The following UTP20 variants were observed in gnomAD, a reference collection of about 807,000 sequenced individuals.
UTP20 encodes the protein UTP20 small subunit processome component, also known as small subunit processome component 20 homolog.
UTP20 carries 164 observed loss-of-function variants against 329.5 expected under a neutral mutation model. The observed-to-expected ratio is 0.50, with a 90% CI of 0.44 to 0.57. The LOEUF is 0.57. Among genes scored for constraint, UTP20 ranks in the 20% least tolerant of loss-of-function variants. UTP20 has a pLI of 0.00. For synonymous variants in UTP20, 1,151 were observed against 1,159.3 expected, an observed-to-expected ratio of 0.99 and a Z score of 0.14; for missense variants, 3,055 against 3,284.2, an observed-to-expected ratio of 0.93 and a Z score of 1.71.
chr12:101,282,266 G>A (rs1327639609), intron 2 of UTP20, among the ~76,000 whole-genome samples: 1 of 151,002 alleles, frequency 6.6e-6, no homozygotes, highest in Non-Finnish European at 1.5e-5. Flanking sequence ...ACATTCTTTA[G>A]GGGTGTCAAA....
Position 101,327,048 on chromosome 12 carries a change from G to A in UTP20, c.3042-33G>A, listed in dbSNP as rs769934422. On this transcript the variant is annotated intron_variant, in intron 25 of 61. Coordinates refer to ENST00000261637, the MANE Select transcript of UTP20 (RefSeq NM_014503.3). ...AAACAACTCATATTTTAGAATTAAT[G>A]TGCAAACAAATAATGTGCTTTTGCC... 5 of 1,562,680 alleles carry A rather than the reference G, an allele frequency of 3.2e-6. No individual in the cohort carries two copies. In the African/African-American group the frequency reaches 4.1e-5, roughly 13 times the overall value.
Position 101,286,405 on chromosome 12 carries a change from G to A in UTP20, c.411G>A (p.Leu137=). ...TTTTTTTGACTATCACCTCGATCCT[G>A]GAGACTCAGGACACAGAGTTGTTAG... The part of the protein sequence containing the change: ...PEFFLTITSI[L]ETQDTELLEW... Residue 137 remains leucine, a synonymous_variant, in exon 5 of 62, where the codon CTG becomes CTA. Transcript: ENST00000261637. The A allele has an allele frequency of 6.2e-7, 1 of 1,613,670 alleles. No individual in the cohort carries two copies. Among genetic ancestry groups the A allele is most frequent in the Non-Finnish European group, 8.5e-7 (1 of 1,179,868 alleles).
intron 12 of UTP20, among the ~76,000 whole-genome samples, chr12:101,298,110 G>A (rs1232163959): frequency 6.6e-6 from 1 of 152,156 alleles, no homozygotes. Context: ...GATAATAAAT[G>A]TGAAAAGACT....
chr12:101,324,152 T>TA (rs1868473929), intron 25 of UTP20, among the ~76,000 whole-genome samples: 1 of 108,434 alleles, frequency 9.2e-6, no homozygotes, highest in Admixed American at 9.5e-5. Context: ...AATAAAAAAA[T>TA]AAATAAATAA....
intron 12 of UTP20, among the ~76,000 whole-genome samples, chr12:101,296,898 T>A (rs1367530776): frequency 6.6e-6 from 1 of 152,212 alleles, no homozygotes; most frequent in Non-Finnish European, 1.5e-5. Context: ...CATGAGAAGA[T>A]TTATTGTATC....
At chr12:101,365,096 GT>G (rs1426146280) in intron 45 of UTP20, among the ~76,000 whole-genome samples, 1 of 151,678 alleles carries the variant, frequency 6.6e-6, no homozygotes, top group Non-Finnish European at 1.5e-5. Context: ...GTGTGTGTGT[GT>G]GTGTGTGTGT....
chr12:101,317,944 G>C (rs545158086), intron 22 of UTP20, among the ~76,000 whole-genome samples: 5 of 152,304 alleles, frequency 3.3e-5, no homozygotes, highest in African/African-American at 1.2e-4. Context: ...TTTGGGACCT[G>C]GAGTGTTTGG....
At chr12:101,286,892 G>A (rs1321694227) in intron 5 of UTP20, among the ~76,000 whole-genome samples, 1 of 152,104 alleles carries the variant, frequency 6.6e-6, no homozygotes, top group Non-Finnish European at 1.5e-5. Flanking sequence ...CCTGGTATAA[G>A]GGAGGTTTAA....
intron 39 of UTP20, 131 bp from the exon 40 acceptor site, chr12:101,352,916 A>G (rs1391301933): frequency 9.4e-6 from 4 of 425,886 alleles, no homozygotes; most frequent in Non-Finnish European, 1.6e-5. Context: ...GGTTATGCTA[A>G]TACTTGTTAA....
intron 6 of UTP20, 165 bp from the exon 7 acceptor site, chr12:101,289,972 A>T (rs949552255): frequency 4.3e-6 from 2 of 462,548 alleles, no homozygotes; most frequent in Admixed American, 4.3e-5. Context: ...TCCAAGTGAG[A>T]ACACACTATT....
rs1869199734 is a variant in UTP20 at position 101,343,071 on chromosome 12, A to G, written c.4427A>G (p.His1476Arg). The G allele has an allele frequency of 6.2e-7, 1 of 1,608,124 alleles. No homozygotes were observed. The highest frequency in any genetic ancestry group is 8.5e-7 in the Non-Finnish European group (1 of 1,176,948). The change falls in exon 35 of 62, where the codon CAT becomes CGT. Residue 1476 changes from histidine (H) to arginine (R), a missense_variant. His to Arg is a conservative substitution (Grantham distance 29). This residue lies in a region of UTP20 where 2,445 missense variants were observed against 2,575.5 expected (regional missense o/e 0.95). Transcript: ENST00000261637. ...VDVNYLIPVM[H>R]NCFYNLELGD... ...GTTAACTACCTAATTCCAGTTATGC[A>G]TAATTGTTTCTATAATCTAGAGGTA...
intron 38 of UTP20, among the ~76,000 whole-genome samples, chr12:101,348,858 G>T (rs1390746926): frequency 6.7e-6 from 1 of 149,886 alleles, no homozygotes; most frequent in Non-Finnish European, 1.5e-5. Context: ...TTACAGGCAT[G>T]AGCCACTGTG....
At chr12:101,311,593 C>T in intron 19 of UTP20, 126 bp from the exon 20 acceptor site, 5 of 801,162 alleles carry the variant, frequency 6.2e-6, no homozygotes, top group Non-Finnish European at 9.6e-6. Context: ...GTGTTTACGA[C>T]TCCACATTGA....
At chr12:101,344,887 C>T (rs775531207) in intron 36 of UTP20, 137 bp downstream of exon 36, 2 of 529,018 alleles carry the variant, frequency 3.8e-6, no homozygotes, top group South Asian at 3.7e-5. Context: ...AAATAGTCAC[C>T]AGACTTTTAA....
At chr12:101,345,722 C>G (rs780692270) in intron 37 of UTP20, 28 bp downstream of exon 37, 4 of 1,590,434 alleles carry the variant, frequency 2.5e-6, no homozygotes, top group Non-Finnish European at 3.4e-6. Flanking sequence ...TTTTTCCTAC[C>G]TACGACATAA....
chr12:101,281,603 G>A (rs748125928), intron 2 of UTP20, among the ~76,000 whole-genome samples: 6 of 152,048 alleles, frequency 3.9e-5, no homozygotes, highest in South Asian at 2.1e-4. Context: ...CCCTTTTCCC[G>A]GGGCTTAATT....
chr12:101,280,237 C>T lies in UTP20; in HGVS notation c.-46C>T. The T allele has an allele frequency of 6.4e-7, 1 of 1,551,160 alleles. No homozygotes were observed. Among genetic ancestry groups the T allele is most frequent in the Non-Finnish European group, 8.7e-7 (1 of 1,146,562 alleles). On this transcript the variant is annotated 5_prime_UTR_variant, in exon 1 of 62. Coordinates refer to ENST00000261637, the MANE Select transcript of UTP20 (RefSeq NM_014503.3). ...CCCCTCCTTACTGTCGGTTGCATCC[C>T]TTCGACACTCCCGAGGCCGTCGCGG... is the stretch of plus-strand genomic sequence containing the variant.
intron 2 of UTP20, among the ~76,000 whole-genome samples, chr12:101,283,445 C>T (rs1447441784): frequency 1.3e-5 from 2 of 152,136 alleles, no homozygotes; most frequent in African/African-American, 4.8e-5. Context: ...ACTTTCATCG[C>T]ATGTTATTAG....
rs1205088713 is a variant in UTP20 at position 101,292,087 on chromosome 12, A to C, written c.1156A>C (p.Lys386Gln). The C allele has an allele frequency of 6.2e-7, 1 of 1,612,966 alleles. No individual in the cohort carries two copies. Among genetic ancestry groups the C allele is most frequent in the Non-Finnish European group, 8.5e-7 (1 of 1,179,782 alleles). Reference protein sequence around the residue: ...ENVSLPETLIKETIEKIFESR... With the variant: ...ENVSLPETLIQETIEKIFESR... ...TGTTTCCTTGCCGGAGACCCTCATC[A>C]AAGAAACCATAGAAAAAGTAATTTA... Residue 386 changes from lysine (K) to glutamine (Q), a missense_variant, in exon 10 of 62, where the codon AAA becomes CAA. Physicochemically the swap from Lys to Gln is moderately conservative, Grantham distance 53. Around this residue, in one of 3 missense-constraint regions of UTP20, gnomAD observed 2,445 missense variants for 2,575.5 expected, o/e 0.95. Coordinates refer to ENST00000261637, the MANE Select transcript of UTP20 (RefSeq NM_014503.3).
Sources: gnomAD v4.1 joint callset for allele counts (sites outside exome capture counted in the v4.1 genomes callset) on GRCh38, gnomAD v4.1.1 for gene constraint, gnomAD v4.1.1 regional missense constraint, MANE v1.5 for transcripts, NCBI Gene and HGNC (gene_info 2026-07-23, HGNC 2026-07-21) for gene names.